Variants in RBFOX1 observed in about 807,000 individuals in gnomAD.
The protein encoded by RBFOX1 is RNA binding protein fox-1 homolog 1.
A neutral mutation model predicts 57.7 loss-of-function variants in RBFOX1; 8 were observed. The ratio of observed to expected loss-of-function variants is 0.14; its 90% CI spans 0.08 to 0.25. The LOEUF (loss-of-function observed/expected upper bound fraction) is 0.25. RBFOX1 is among the 10% of genes least tolerant of loss of function. RBFOX1 has a pLI of 1.00. For synonymous variants in RBFOX1, 326 were observed against 222.4 expected, an observed-to-expected ratio of 1.47 and a Z score of -4.15; for missense variants, 611 against 548.5, an observed-to-expected ratio of 1.11 and a Z score of -1.14.
chr16:7,666,642 G>A (rs1362073457), intron 13 of RBFOX1, among the ~76,000 whole-genome samples: 1 of 152,188 alleles, frequency 6.6e-6, no homozygotes, highest in Non-Finnish European at 1.5e-5. Flanking sequence ...ACTCATTTAA[G>A]TGAGTGCGAG....
At chr16:5,496,138 A>C (rs1189514176) in intron 2 of RBFOX1, among the ~76,000 whole-genome samples, 1 of 152,186 alleles carries the variant, frequency 6.6e-6, no homozygotes, top group Admixed American at 6.5e-5. Flanking sequence ...AAAGAAAAGA[A>C]AAGAAAAGAA....
At chr16:7,675,558 A>T (rs1409302500) in intron 13 of RBFOX1, among the ~76,000 whole-genome samples, 1 of 152,242 alleles carries the variant, frequency 6.6e-6, no homozygotes, top group African/African-American at 2.4e-5. Context: ...ATTTACTCTG[A>T]AAGTTAACTG....
In RBFOX1 at chr16:5,946,050, G is replaced by C. The variant is rs574771618; in HGVS notation, c.351+78715G>C. Among the ~76,000 whole-genome samples the C allele has an allele frequency of 1.3e-5, 2 of 152,338 alleles. No homozygotes were observed. Among genetic ancestry groups the C allele is most frequent in the African/African-American group, 4.8e-5 (2 of 41,592 alleles). The stretch of plus-strand genomic sequence containing the variant: ...GAAAAGAAGTCTGCTTTGTTTGCTA[G>C]TAAAGTGAGGGGGAGACAGGGTTTT... On this transcript the variant is annotated intron_variant, in intron 4 of 19. Transcript: ENST00000641259. This position sits in a 1 kb window ranked among gnomAD's most constrained non-coding sequence, Gnocchi z 4.6.
intron 14 of RBFOX1, among the ~76,000 whole-genome samples, chr16:7,680,447 T>A (rs1416334437): frequency 6.6e-6 from 1 of 152,126 alleles, no homozygotes; most frequent in African/African-American, 2.4e-5. Flanking sequence ...TGCATGAAAA[T>A]GTCCCTCCAC....
At chr16:5,844,419 G>T (rs1029875535) in intron 3 of RBFOX1, among the ~76,000 whole-genome samples, 1 of 152,186 alleles carries the variant, frequency 6.6e-6, no homozygotes, top group Non-Finnish European at 1.5e-5. Flanking sequence ...CAAAGTAATT[G>T]GCATTACATT....
chr16:5,649,220 G>C (rs991598411), intron 3 of RBFOX1, among the ~76,000 whole-genome samples: 102 of 152,034 alleles, frequency 6.7e-4, no homozygotes, highest in African/African-American at 2.2e-3. Context: ...TGTCACCCAG[G>C]TTGGAGTGCA....
chr16:7,039,567 T>A (rs2045539979), intron 3 of RBFOX1, among the ~76,000 whole-genome samples: 1 of 152,200 alleles, frequency 6.6e-6, no homozygotes, highest in Non-Finnish European at 1.5e-5. Flanking sequence ...AACCTAAGCA[T>A]TTACTAGTGT....
At chr16:6,767,947 T>TAATAATAAAGAAG (rs1410744665) in intron 3 of RBFOX1, among the ~76,000 whole-genome samples, 2 of 101,046 alleles carry the variant, frequency 2.0e-5, no homozygotes, top group Admixed American at 1.0e-4. Context: ...ATAATAATAA[T>TAATAATAAAGAAG]AAGAAGAAGA....
At chr16:6,957,649 A>T (rs2082151871) in intron 3 of RBFOX1, among the ~76,000 whole-genome samples, 2 of 152,096 alleles carry the variant, frequency 1.3e-5, no homozygotes. Context: ...TTGTGCCGAC[A>T]TCCTGTCTCA....
intron 4 of RBFOX1, among the ~76,000 whole-genome samples, chr16:7,490,376 G>A (rs867216637): frequency 1.3e-5 from 2 of 152,172 alleles, no homozygotes; most frequent in African/African-American, 4.8e-5. Context: ...TAGGTTTGCA[G>A]AATCTCTACT....
intron 3 of RBFOX1, among the ~76,000 whole-genome samples, chr16:5,682,621 A>G (rs925227612): frequency 6.6e-6 from 1 of 152,182 alleles, no homozygotes; most frequent in East Asian, 1.9e-4. Context: ...AGATCATGCA[A>G]CTGAGTTTCA....
chr16:6,690,758 C>CTTTT (rs71145276), intron 3 of RBFOX1, among the ~76,000 whole-genome samples: 7,512 of 140,974 alleles, frequency 0.053, 303 homozygotes, highest in African/African-American at 0.11. Context: ...TTCTTTCTTT[C>CTTTT]TTTTTTTTTT....
chr16:6,246,928 G>C (rs1357083225), intron 1 of RBFOX1, among the ~76,000 whole-genome samples: 1 of 152,166 alleles, frequency 6.6e-6, no homozygotes, highest in African/African-American at 2.4e-5. Context: ...AAACTAGCCA[G>C]GTGTGGTGGC....
intron 4 of RBFOX1, among the ~76,000 whole-genome samples, chr16:5,944,316 G>A (rs1463400936): frequency 6.6e-6 from 1 of 152,190 alleles, no homozygotes; most frequent in South Asian, 2.1e-4. Context: ...GGCTTTTGAG[G>A]TTCTGAACGA....
intron 4 of RBFOX1, among the ~76,000 whole-genome samples, chr16:5,952,994 T>C (rs1056695542): frequency 6.6e-6 from 1 of 152,182 alleles, no homozygotes; most frequent in Non-Finnish European, 1.5e-5. Flanking sequence ...TAGGAAACTT[T>C]TGGAAATACA....
intron 3 of RBFOX1, among the ~76,000 whole-genome samples, chr16:6,774,486 C>T (rs985796729): frequency 6.6e-6 from 1 of 152,108 alleles, no homozygotes; most frequent in Non-Finnish European, 1.5e-5. Flanking sequence ...GTCTCTGCTA[C>T]CAAGCATGAA....
chr16:6,246,159 G>T (rs892880692), intron 1 of RBFOX1, among the ~76,000 whole-genome samples: 2 of 152,154 alleles, frequency 1.3e-5, no homozygotes, highest in African/African-American at 2.4e-5. Flanking sequence ...TCCTCATCAT[G>T]GTGGCTCACA....
At chr16:7,070,053 C>T (rs551225716) in intron 4 of RBFOX1, among the ~76,000 whole-genome samples, 2 of 152,134 alleles carry the variant, frequency 1.3e-5, no homozygotes, top group East Asian at 1.9e-4. Context: ...CCTCTTTTTC[C>T]TCTCTTGCAC....
intron 2 of RBFOX1, among the ~76,000 whole-genome samples, chr16:6,442,347 A>G (rs1441058136): frequency 1.3e-5 from 2 of 152,138 alleles, no homozygotes; most frequent in East Asian, 1.9e-4. Flanking sequence ...CACGAGGTCA[A>G]GAGATTGAGA....
Sources: allele counts gnomAD v4.1 joint callset (sites outside exome capture counted in the v4.1 genomes callset), GRCh38; gene constraint gnomAD v4.1.1; non-coding constraint Gnocchi (gnomAD v3.1); transcripts MANE v1.5; gene names NCBI Gene and HGNC (gene_info 2026-07-23, HGNC 2026-07-21).